The following LIMD1 variants were observed in gnomAD, a reference collection of about 807,000 sequenced individuals.
LIMD1 encodes the protein LIM domain-containing protein 1.
In LIMD1, 23 loss-of-function variants were observed where a neutral mutation model predicts 58.4. The observed-to-expected ratio is 0.39, with a 90% CI of 0.28 to 0.56. The LOEUF is 0.56. LIMD1 is among the 20% of genes least tolerant of loss of function. The probability of loss-of-function intolerance (pLI) is 0.57; values close to 1 mark genes in which losing one functional copy is unlikely to be tolerated. For synonymous variants in LIMD1, 334 were observed against 345.5 expected, an observed-to-expected ratio of 0.97 and a Z score of 0.37; for missense variants, 838 against 855.5, an observed-to-expected ratio of 0.98 and a Z score of 0.25.
intron 1 of LIMD1, among the ~76,000 whole-genome samples, chr3:45,631,263 T>C (rs2012755): frequency 1.3e-5 from 2 of 151,542 alleles, no homozygotes; most frequent in Non-Finnish European, 2.9e-5. Flanking sequence ...CATACTGATA[T>C]ACTGCACTCC....
At chr3:45,597,612 G>A (rs1207267969) in intron 1 of LIMD1, among the ~76,000 whole-genome samples, 3 of 152,188 alleles carry the variant, frequency 2.0e-5, no homozygotes, top group Non-Finnish European at 4.4e-5. Flanking sequence ...GCAGAGAATC[G>A]GAGGGGTTTT....
At chr3:45,632,227 C>T (rs1038750920) in intron 1 of LIMD1, among the ~76,000 whole-genome samples, 22 of 152,202 alleles carry the variant, frequency 1.4e-4, no homozygotes. Flanking sequence ...GTCAGGTCCA[C>T]CAGGGGACTT....
At position 45,594,788 on chromosome 3, in the gene LIMD1, CACACACACACACACACACACACA is replaced by C. The variant is rs1701314309; in HGVS notation, c.-91_-69del. On this transcript the variant is annotated 5_prime_UTR_variant, in exon 1 of 8. Transcript: ENST00000273317. ...CTCCCCGCTGCCCTCAACACACACA[CACACACACACACACACACACACA>C]CACACACACACACACACACACACAC... is the stretch of plus-strand genomic sequence containing the variant. The C allele has an allele frequency of 1.4e-5, 1 of 70,672 alleles. No homozygotes were observed. Among genetic ancestry groups the C allele is most frequent in the Non-Finnish European group, 2.4e-5 (1 of 42,508 alleles). 4.4% of individuals were successfully genotyped at this position (70,672 alleles called of 1,614,324 possible).
intron 4 of LIMD1, among the ~76,000 whole-genome samples, chr3:45,670,788 G>C (rs2016681): frequency 0.81 from 123,771 of 152,180 alleles, 50,761 homozygotes; most frequent in African/African-American, 0.92. Flanking sequence ...TGAAGTTGAA[G>C]CTTCAGTCTT....
chr3:45,630,721 TG>T (rs528336640), intron 1 of LIMD1, among the ~76,000 whole-genome samples: 1,611 of 150,628 alleles, frequency 0.011, 37 homozygotes, highest in African/African-American at 0.036. Flanking sequence ...TGGGGGGGGT[TG>T]GGGGGCATGT....
At chr3:45,634,339 A>G (rs987506593) in intron 1 of LIMD1, among the ~76,000 whole-genome samples, 5 of 151,300 alleles carry the variant, frequency 3.3e-5, no homozygotes, top group Non-Finnish European at 7.4e-5. Flanking sequence ...TGGGAGGGAG[A>G]CTCCAAGGCC....
At chr3:45,611,884 G>A (rs1184721215) in intron 1 of LIMD1, among the ~76,000 whole-genome samples, 1 of 152,182 alleles carries the variant, frequency 6.6e-6, no homozygotes, top group Non-Finnish European at 1.5e-5. Context: ...ACCTCTCTGG[G>A]TTGCCCATGC....
intron 1 of LIMD1, among the ~76,000 whole-genome samples, chr3:45,607,808 C>G (rs1701482052): frequency 6.6e-6 from 1 of 152,180 alleles, no homozygotes; most frequent in Non-Finnish European, 1.5e-5. Context: ...GCCCGAAACC[C>G]CTTCTGACAA....
intron 1 of LIMD1, among the ~76,000 whole-genome samples, chr3:45,625,467 G>T (rs1701660949): frequency 6.6e-6 from 1 of 152,086 alleles, no homozygotes; most frequent in Non-Finnish European, 1.5e-5. Flanking sequence ...TCTGGTTTTT[G>T]AATGTGTTCA....
At chr3:45,643,296 G>C (rs986717205) in intron 2 of LIMD1, among the ~76,000 whole-genome samples, 3 of 152,010 alleles carry the variant, frequency 2.0e-5, no homozygotes, top group African/African-American at 7.2e-5. Context: ...ACCAGCCTGG[G>C]CAATGTGGCA....
intron 2 of LIMD1, among the ~76,000 whole-genome samples, chr3:45,647,117 A>T (rs1467494297): frequency 6.6e-6 from 1 of 152,224 alleles, no homozygotes; most frequent in African/African-American, 2.4e-5. Flanking sequence ...TACCAAAAAG[A>T]ACCCCCAAAA....
chr3:45,596,052 A>T lies in LIMD1; in HGVS notation c.1173A>T (p.Pro391=). The change falls in exon 1 of 8, where the codon CCA becomes CCT. Residue 391 remains proline, a synonymous_variant. Transcript: ENST00000273317. ...TCAGCCCCACCAGTCTTGTCCATCCAGTGATGTCCACCCTGCCTGAGTTAT... is the reference window on the plus strand; with the variant it reads ...TCAGCCCCACCAGTCTTGTCCATCCTGTGATGTCCACCCTGCCTGAGTTAT... ...PKLSPTSLVH[P]VMSTLPELSC... The T allele has an allele frequency of 6.2e-7, 1 of 1,614,154 alleles. No individual in the cohort carries two copies. Among genetic ancestry groups the T allele is most frequent in the African/African-American group, 1.3e-5 (1 of 75,026 alleles).
chr3:45,624,738 CA>C (rs201989361), intron 1 of LIMD1, among the ~76,000 whole-genome samples: 1,827 of 150,994 alleles, frequency 0.012, 53 homozygotes, highest in East Asian at 0.1. Flanking sequence ...CAAAACAAAA[CA>C]AAAAAAAACT....
intron 1 of LIMD1, among the ~76,000 whole-genome samples, chr3:45,632,219 C>G (rs1241218217): frequency 6.6e-6 from 1 of 152,222 alleles, no homozygotes. Context: ...GGCTTAGAGT[C>G]AGGTCCACCA....
intron 3 of LIMD1, among the ~76,000 whole-genome samples, 176 bp downstream of exon 3, chr3:45,665,893 C>T (rs1159521146): frequency 6.6e-6 from 1 of 152,196 alleles, no homozygotes; most frequent in Non-Finnish European, 1.5e-5. Flanking sequence ...GCAAACCACA[C>T]AGCTTTGTAC....
At chr3:45,631,787 C>G (rs1701736792) in intron 1 of LIMD1, among the ~76,000 whole-genome samples, 2 of 152,116 alleles carry the variant, frequency 1.3e-5, no homozygotes, top group Non-Finnish European at 2.9e-5. Context: ...CGCTGGCCAC[C>G]CTGCCAGCAT....
Position 45,594,778 on chromosome 3 carries a change from A to AACACACACACAC in LIMD1, c.-47_-36dup, listed in dbSNP as rs57091993. 1.9e-3 allele frequency: 1,409 copies of AACACACACACAC among 731,464 alleles called. 68 individuals are homozygous for AACACACACACAC. The highest frequency in any genetic ancestry group is 5.8e-3 in the African/African-American group (222 of 38,020). 45.3% of individuals were successfully genotyped at this position (731,464 alleles called of 1,614,324 possible). A position where few individuals can be genotyped will look rare whatever the true frequency, so the allele number is the denominator to read the frequency against. On this transcript the variant is annotated 5_prime_UTR_variant, in exon 1 of 8. Coordinates refer to ENST00000273317, the MANE Select transcript of LIMD1 (RefSeq NM_014240.3). ...TCGCCAGCATCTCCCCGCTGCCCTC[A>AACACACACACAC]ACACACACACACACACACACACACA...
In LIMD1 at chr3:45,595,415, A is replaced by G. The variant is rs764813608; in HGVS notation, c.536A>G (p.Tyr179Cys). Residue 179 changes from tyrosine (Y) to cysteine (C), a missense_variant, in exon 1 of 8, where the codon TAT (tyrosine) becomes TGT (cysteine). Physicochemically the swap from Tyr to Cys is radical, Grantham distance 194 (BLOSUM62 -2). Around this residue, in one of 3 missense-constraint regions of LIMD1, gnomAD observed 659 missense variants for 639.8 expected, o/e 1.03. Transcript: ENST00000273317. ...CCTTCCTGCCTCACTCATGGAGACT[A>G]TTATGACAACCTCTCCTTGGCAAGC... Reference protein sequence around the residue: ...EDPSCLTHGDYYDNLSLASPK... With the variant: ...EDPSCLTHGDCYDNLSLASPK... 6.2e-7 allele frequency: 1 copy of G among 1,614,060 alleles called. No homozygotes were observed. The highest frequency in any genetic ancestry group is 8.5e-7 in the Non-Finnish European group (1 of 1,180,008).
intron 1 of LIMD1, among the ~76,000 whole-genome samples, chr3:45,618,822 T>C (rs748511493): frequency 1.3e-4 from 20 of 152,082 alleles, no homozygotes; most frequent in Non-Finnish European, 2.2e-4. Context: ...GGAGGGAGGC[T>C]GTGGACGTGG....
Sources: gnomAD v4.1 joint callset for allele counts (sites outside exome capture counted in the v4.1 genomes callset) on GRCh38, gnomAD v4.1.1 for gene constraint, gnomAD v4.1.1 regional missense constraint, MANE v1.5 for transcripts, NCBI Gene and HGNC (gene_info 2026-07-23, HGNC 2026-07-21) for gene names.